The following KCNK12 variants were observed in gnomAD, a reference collection of about 807,000 sequenced individuals.
The protein encoded by KCNK12 is potassium channel subfamily K member 12.
A neutral mutation model predicts 25.3 loss-of-function variants in KCNK12; 6 were observed. That is an observed-to-expected ratio of 0.24 (90% CI 0.13 to 0.47). The LOEUF (loss-of-function observed/expected upper bound fraction) is 0.47. Ranked by LOEUF, KCNK12 falls within the 20% of genes least tolerant of loss-of-function variation. KCNK12 has a pLI of 0.99. For missense variants in KCNK12, 444 were observed against 661.7 expected (o/e 0.67, Z 3.61); for synonymous variants, 331 against 311.1 (o/e 1.06, Z -0.67).
intron 1 of KCNK12, among the ~76,000 whole-genome samples, chr2:47,539,600 A>T (rs1669149899): frequency 6.6e-6 from 1 of 152,154 alleles, no homozygotes; most frequent in Non-Finnish European, 1.5e-5. Flanking sequence ...TGACGGGGCA[A>T]GGGGTCAGAA....
Position 47,513,860 on chromosome 2 carries a change from A to T in KCNK12, c.*7047T>A, listed in dbSNP as rs370786307. Among the ~76,000 whole-genome samples the T allele has an allele frequency of 5.3e-5, 8 of 152,050 alleles. No individual in the cohort carries two copies. Among genetic ancestry groups the T allele is most frequent in the African/African-American group, 1.9e-4 (8 of 41,470 alleles). ...GACCTACTCTTTCGGGTGTCCCTCAAATCTCTCCACGTCTCTGTGTTCTCA... is the reference window on the plus strand; with the variant it reads ...GACCTACTCTTTCGGGTGTCCCTCATATCTCTCCACGTCTCTGTGTTCTCA... On this transcript the variant is annotated 3_prime_UTR_variant, in exon 2 of 2. Coordinates refer to ENST00000327876, the MANE Select transcript of KCNK12 (RefSeq NM_022055.2).
rs1668481031 is a variant in KCNK12 at position 47,514,639 on chromosome 2, C to G, written c.*6268G>C. The stretch of plus-strand genomic sequence containing the variant: ...TTTTTCTTTCTTTTTGAGACAGGGT[C>G]TTACTCTGTCACCAAGGCTGGAGTG... On this transcript the variant is annotated 3_prime_UTR_variant, in exon 2 of 2. Transcript: ENST00000327876. The surrounding 1 kb of genome is among the most constrained non-coding windows in gnomAD (Gnocchi z 5.0). 6.7e-6 allele frequency among the ~76,000 whole-genome samples: 1 copy of G among 148,968 alleles called. No homozygotes were observed. Among genetic ancestry groups the G allele is most frequent in the Admixed American group, 6.7e-5 (1 of 14,866 alleles).
Position 47,530,744 on chromosome 2 carries a change from A to G in KCNK12, c.392-8936T>C, listed in dbSNP as rs1344492333. Among the ~76,000 whole-genome samples the G allele has an allele frequency of 3.3e-5, 5 of 152,148 alleles. No individual in the cohort carries two copies. In the East Asian group the frequency reaches 9.6e-4, roughly 29 times the overall value. On this transcript the variant is annotated intron_variant, in intron 1 of 1. Coordinates refer to ENST00000327876, the MANE Select transcript of KCNK12 (RefSeq NM_022055.2). ...TATTTGGCAGTATTTTAAATTCCTA[A>G]TGGTACGTACCATGATGGTGTGTTC... is the stretch of plus-strand genomic sequence containing the variant.
chr2:47,563,145 C>T (rs1390826880), intron 1 of KCNK12: 1 of 233,236 alleles, frequency 4.3e-6, no homozygotes, highest in Non-Finnish European at 8.5e-6. Flanking sequence ...TTACCCAAGG[C>T]TACCACCACC....
Position 47,510,243 on chromosome 2 carries a change from G to A in KCNK12, c.*10664C>T, listed in dbSNP as rs527818277. The A allele has an allele frequency of 1.6e-4, 25 of 152,334 alleles. No homozygotes were observed. The highest frequency in any genetic ancestry group is 6.0e-4 in the African/African-American group (25 of 41,558). The allele number at this position is 152,334 out of a possible 1,614,324, so 9.4% of individuals were successfully genotyped here. A position where few individuals can be genotyped will look rare whatever the true frequency, so the allele number is the denominator to read the frequency against. On this transcript the variant is annotated 3_prime_UTR_variant, in exon 2 of 2. Transcript: ENST00000327876. ...GCCAACATGGAAAGGATGGCAGAGC[G>A]GGAAGGAGGAGCCAGCCTTACCGAT...
rs1004383601 is a variant in KCNK12, at chr2:47,560,885, C to T, written c.391+9056G>A. ...TGGTGGGCTCTGTGGCCTCCCCTGGCCCCAGATCCTGTCCTGCTCCGGGAG... is the reference window on the plus strand; with the variant it reads ...TGGTGGGCTCTGTGGCCTCCCCTGGTCCCAGATCCTGTCCTGCTCCGGGAG... On this transcript the variant is annotated intron_variant, in intron 1 of 1. Coordinates refer to ENST00000327876, the MANE Select transcript of KCNK12 (RefSeq NM_022055.2). The surrounding 1 kb of genome is among the most constrained non-coding windows in gnomAD (Gnocchi z 4.7). Among the ~76,000 whole-genome samples the T allele has an allele frequency of 6.6e-6, 1 of 152,146 alleles. No homozygotes were observed. The highest frequency in any genetic ancestry group is 2.4e-5 in the African/African-American group (1 of 41,440).
chr2:47,546,970 G>A (rs145456694), intron 1 of KCNK12, among the ~76,000 whole-genome samples: 1 of 152,222 alleles, frequency 6.6e-6, no homozygotes, highest in Admixed American at 6.5e-5. Flanking sequence ...GAGAGACTTG[G>A]GTGTGGGAAA....
At chr2:47,530,127 C>A (rs1312675248) in intron 1 of KCNK12, among the ~76,000 whole-genome samples, 1 of 152,130 alleles carries the variant, frequency 6.6e-6, no homozygotes, top group Non-Finnish European at 1.5e-5. Flanking sequence ...CAAGGCTGAG[C>A]CCTGCCCAGC....
At chr2:47,536,557 G>T (rs963371389) in intron 1 of KCNK12, among the ~76,000 whole-genome samples, 1 of 152,186 alleles carries the variant, frequency 6.6e-6, no homozygotes, top group Non-Finnish European at 1.5e-5. Context: ...AGACATGAGG[G>T]CAGGGGAAGG....
chr2:47,533,239 GA>G lies in KCNK12; in HGVS notation c.392-11432del, dbSNP rs1193021077. On this transcript the variant is annotated intron_variant, in intron 1 of 1. Transcript: ENST00000327876. This position sits in a 1 kb window ranked among gnomAD's most constrained non-coding sequence, Gnocchi z 4.7. ...TTGGCCAGGCTGGTCTCCAACTCCT[GA>G]CCTCAGGTGATCTGCCCACCTTGGC... 7.7e-6 allele frequency among the ~76,000 whole-genome samples: 1 copy of G among 129,716 alleles called. No individual in the cohort carries two copies. The highest frequency in any genetic ancestry group is 1.6e-5 in the Non-Finnish European group (1 of 60,862). 85.1% of individuals were successfully genotyped at this position (129,716 alleles called of 152,430 possible).
At position 47,518,788 on chromosome 2, in the gene KCNK12, CTCT is replaced by C. The variant is rs1668582207; in HGVS notation, c.*2116_*2118del. ...GTCTAGATGCCTCTATCATGGGGAT[CTCT>C]TCTTCCCTCTCTGGATGGCTCTGAT... On this transcript the variant is annotated 3_prime_UTR_variant, in exon 2 of 2. Transcript: ENST00000327876. This position sits in a 1 kb window ranked among gnomAD's most constrained non-coding sequence, Gnocchi z 4.1. 1 of 152,252 alleles carries C rather than the reference CTCT, an allele frequency of 6.6e-6. No individual in the cohort carries two copies. The highest frequency in any genetic ancestry group is 1.5e-5 in the Non-Finnish European group (1 of 68,060). 9.4% of individuals were successfully genotyped at this position (152,252 alleles called of 1,614,324 possible).
intron 1 of KCNK12, among the ~76,000 whole-genome samples, chr2:47,546,501 A>G (rs34388623): frequency 0.11 from 16,149 of 152,240 alleles, 1,122 homozygotes; most frequent in East Asian, 0.19. Context: ...TACAAAAACT[A>G]CAAAAATTAG....
In KCNK12 at chr2:47,566,758, C is replaced by T. The variant is rs1360404956; in HGVS notation, c.391+3183G>A. 2 of 152,170 alleles carry T rather than the reference C, an allele frequency of 1.3e-5. No individual in the cohort carries two copies. Among genetic ancestry groups the T allele is most frequent in the Admixed American group, 1.3e-4 (2 of 15,284 alleles). The allele number at this position is 152,170 out of a possible 1,614,324, so 9.4% of individuals were successfully genotyped here. A position where few individuals can be genotyped will look rare whatever the true frequency, so the allele number is the denominator to read the frequency against. The stretch of plus-strand genomic sequence containing the variant: ...GACAGACATTATTAAATATTGCAAT[C>T]TCAAACAAGAACGTTCCCACCAATT... On this transcript the variant is annotated intron_variant, in intron 1 of 1. Transcript: ENST00000327876. The surrounding 1 kb of genome is among the most constrained non-coding windows in gnomAD (Gnocchi z 4.1).
At position 47,517,821 on chromosome 2, in the gene KCNK12, T is replaced by A. The variant is rs1239970902; in HGVS notation, c.*3086A>T. 3.3e-5 allele frequency: 5 copies of A among 152,122 alleles called. No individual in the cohort carries two copies. The highest frequency in any genetic ancestry group is 1.3e-4 in the Admixed American group (2 of 15,284). The allele number at this position is 152,122 out of a possible 1,614,324, so 9.4% of individuals were successfully genotyped here. On this transcript the variant is annotated 3_prime_UTR_variant, in exon 2 of 2. Transcript: ENST00000327876. This position sits in a 1 kb window ranked among gnomAD's most constrained non-coding sequence, Gnocchi z 4.1. Reference sequence around the variant, plus strand: ...CTCTGAGAAGGCTGCTAGCCAAGACTCTGGATTCTCTGTGGCCACAGTCAT... The same window carrying A: ...CTCTGAGAAGGCTGCTAGCCAAGACACTGGATTCTCTGTGGCCACAGTCAT...
intron 1 of KCNK12, among the ~76,000 whole-genome samples, chr2:47,530,955 A>T (rs556403198): frequency 6.6e-6 from 1 of 152,364 alleles, no homozygotes; most frequent in Non-Finnish European, 1.5e-5. Context: ...AATGTGATAA[A>T]GCAGCAAATG....
intron 1 of KCNK12, among the ~76,000 whole-genome samples, chr2:47,559,241 C>G (rs1669614230): frequency 6.6e-6 from 1 of 152,166 alleles, no homozygotes. Context: ...GAGCTGGCTG[C>G]CCTGCTGCAC....
intron 1 of KCNK12, among the ~76,000 whole-genome samples, chr2:47,546,725 C>T (rs893559992): frequency 1.3e-5 from 2 of 152,196 alleles, no homozygotes; most frequent in African/African-American, 4.8e-5. Context: ...CCTACTCTCC[C>T]TCTTAAGATC....
chr2:47,535,437 T>TCCTCTAATGGGGGC (rs1669046388), intron 1 of KCNK12, among the ~76,000 whole-genome samples: 1 of 151,816 alleles, frequency 6.6e-6, no homozygotes, highest in African/African-American at 2.4e-5. Context: ...AGGGGTAAGG[T>TCCTCTAATGGGGGC]GCACCCCTCC....
Position 47,569,933 on chromosome 2 carries a change from C to A in KCNK12, c.391+8G>T, listed in dbSNP as rs1409143519. ...AGAGGAAAGATGCGCGGGGGACGCG[C>A]CGCTCACCTATGGTTGACACCACGG... On this transcript the variant is annotated splice_region_variant and intron_variant, in intron 1 of 1. Coordinates refer to ENST00000327876, the MANE Select transcript of KCNK12 (RefSeq NM_022055.2). This position sits in a 1 kb window ranked among gnomAD's most constrained non-coding sequence, Gnocchi z 4.1. The A allele has an allele frequency of 2.2e-6, 3 of 1,379,058 alleles. No homozygotes were observed. The allele number at this position is 1,379,058 out of a possible 1,614,324, so 85.4% of individuals were successfully genotyped here.
Sources: gnomAD v4.1 joint callset for allele counts (sites outside exome capture counted in the v4.1 genomes callset) on GRCh38, gnomAD v4.1.1 for gene constraint, Gnocchi (gnomAD v3.1) non-coding constraint, MANE v1.5 for transcripts, NCBI Gene and HGNC (gene_info 2026-07-23, HGNC 2026-07-21) for gene names.